HDAC9: variants seen among roughly 807,000 people sequenced by gnomAD.
The protein encoded by HDAC9 is histone deacetylase 9.
In HDAC9, 41 loss-of-function variants were observed where a neutral mutation model predicts 139.4. The observed-to-expected ratio is 0.29, with a 90% CI of 0.23 to 0.38. The LOEUF (loss-of-function observed/expected upper bound fraction) is 0.38, where lower values mean the gene tolerates loss of function less well. Ranked by LOEUF, HDAC9 falls within the 10% of genes least tolerant of loss-of-function variation. The pLI, the probability that HDAC9 is intolerant of heterozygous loss-of-function variation, is 1.00. For missense variants in HDAC9, 1,147 were observed against 1,297.0 expected (o/e 0.88, Z 1.78); for synonymous variants, 517 against 476.2 (o/e 1.09, Z -1.12).
rs186836838 is a variant in HDAC9, at chr7:18,342,342, T to A, written c.-42+51827T>A. 3.3e-5 allele frequency among the ~76,000 whole-genome samples: 5 copies of A among 151,954 alleles called. No homozygotes were observed. The South Asian group carries it at 8.3e-4, about 25-fold the overall frequency. ...TGGAAAATCTTTCAAGGCATTAAAC[T>A]GGAACAATATTTGGTCTCACCTTGA... On this transcript the variant is annotated intron_variant, in intron 1 of 3. Coordinates refer to the HDAC9 transcript ENST00000413509.
chr7:18,420,448 A>G (rs1365177186), intron 1 of HDAC9, among the ~76,000 whole-genome samples: 2 of 152,226 alleles, frequency 1.3e-5, no homozygotes, highest in Non-Finnish European at 2.9e-5. Context: ...ATATAACAAT[A>G]AACAGAGTTC....
At chr7:18,956,170 AG>A (rs1404664334) in intron 24 of HDAC9, among the ~76,000 whole-genome samples, 15 of 151,982 alleles carry the variant, frequency 9.9e-5, no homozygotes, top group African/African-American at 3.6e-4. Context: ...TCTGCCCCAA[AG>A]TCTATTTTAC....
chr7:18,876,987 C>T (rs1487537670), intron 22 of HDAC9, among the ~76,000 whole-genome samples: 1 of 152,080 alleles, frequency 6.6e-6, no homozygotes, highest in Non-Finnish European at 1.5e-5. Flanking sequence ...CAAGCATGAG[C>T]CACCACACCC....
intron 2 of HDAC9, among the ~76,000 whole-genome samples, chr7:18,556,794 T>C (rs1583351862): frequency 6.6e-6 from 1 of 152,052 alleles, no homozygotes; most frequent in East Asian, 1.9e-4. Context: ...CATAATTCCT[T>C]GGAAAACTAA....
At chr7:18,731,217 T>G (rs185203532) in intron 13 of HDAC9, among the ~76,000 whole-genome samples, 31 of 152,174 alleles carry the variant, frequency 2.0e-4, no homozygotes, top group Non-Finnish European at 3.7e-4. Flanking sequence ...AAACTGCAGA[T>G]GGGGGAGGGG....
At chr7:18,977,911 G>GACACAC (rs1784644760) in intron 25 of HDAC9, among the ~76,000 whole-genome samples, 2 of 119,966 alleles carry the variant, frequency 1.7e-5, no homozygotes, top group African/African-American at 6.4e-5. Flanking sequence ...CTCAGAGACA[G>GACACAC]ACAGACAGAC....
At chr7:18,935,297 TAAA>T (rs946240734) in intron 22 of HDAC9, among the ~76,000 whole-genome samples, 2 of 152,140 alleles carry the variant, frequency 1.3e-5, no homozygotes, top group African/African-American at 4.8e-5. Context: ...TGTTTCATAA[TAAA>T]ATAATGCTTA....
At chr7:18,547,623 T>A (rs899226151) in intron 2 of HDAC9, among the ~76,000 whole-genome samples, 17 of 152,218 alleles carry the variant, frequency 1.1e-4, no homozygotes, top group Admixed American at 1.0e-3. Context: ...CTACAGCAAG[T>A]AATGCTGATG....
At chr7:18,850,164 C>T (rs1797183368) in intron 21 of HDAC9, among the ~76,000 whole-genome samples, 1 of 150,878 alleles carries the variant, frequency 6.6e-6, no homozygotes, top group Non-Finnish European at 1.5e-5. Flanking sequence ...TCATGAATAG[C>T]ATTATCACAA....
At chr7:18,566,547 A>G (rs1193699192) in intron 2 of HDAC9, among the ~76,000 whole-genome samples, 1 of 152,210 alleles carries the variant, frequency 6.6e-6, no homozygotes, top group Non-Finnish European at 1.5e-5. Context: ...TGGGGAGGGA[A>G]TAGCTTTGGC....
In HDAC9 at chr7:18,350,570, T is replaced by C. The variant is rs1782774093; in HGVS notation, c.-42+60055T>C. ...AGTAATACTTTACTGATGTGTAAGA[T>C]GCAAATCACTTTGGAAGTGAGAAGG... On this transcript the variant is annotated intron_variant, in intron 1 of 3. Coordinates refer to the HDAC9 transcript ENST00000413509. 1.3e-5 allele frequency among the ~76,000 whole-genome samples: 2 copies of C among 152,186 alleles called. 1 individual carries two copies. Among genetic ancestry groups the C allele is most frequent in the Admixed American group, 1.3e-4 (2 of 15,278 alleles).
chr7:18,107,216 C>G (rs547379071), intron 1 of HDAC9, among the ~76,000 whole-genome samples: 125 of 152,238 alleles, frequency 8.2e-4, no homozygotes, highest in Non-Finnish European at 2.9e-4. Flanking sequence ...CCTTGCTACC[C>G]TAAATGGTAA....
chr7:18,639,893 C>G (rs1785035512), intron 8 of HDAC9, among the ~76,000 whole-genome samples: 1 of 151,982 alleles, frequency 6.6e-6, no homozygotes, highest in Non-Finnish European at 1.5e-5. Flanking sequence ...AAGTTGGGTG[C>G]TGCCCAGGGT....
At position 19,000,253 on chromosome 7, in the gene HDAC9, T is replaced by G. The variant is rs1786686255; in HGVS notation, c.*4191T>G. The G allele has an allele frequency of 1.3e-5, 2 of 152,240 alleles. No homozygotes were observed. The highest frequency in any genetic ancestry group is 1.3e-4 in the Admixed American group (2 of 15,278). 9.4% of individuals were successfully genotyped at this position (152,240 alleles called of 1,614,324 possible). A position where few individuals can be genotyped will look rare whatever the true frequency, so the allele number is the denominator to read the frequency against. On this transcript the variant is annotated 3_prime_UTR_variant, in exon 26 of 26. Transcript: ENST00000686413. ...AGGATTTTGTACCATGTGCTGCCTTTGGAATAAAGTATTATAATGTATCTT... is the reference window on the plus strand; with the variant it reads ...AGGATTTTGTACCATGTGCTGCCTTGGGAATAAAGTATTATAATGTATCTT...
intron 2 of HDAC9, among the ~76,000 whole-genome samples, chr7:18,248,744 C>G (rs745485776): frequency 6.6e-6 from 1 of 152,106 alleles, no homozygotes; most frequent in South Asian, 2.1e-4. Flanking sequence ...ACGTTTCCTC[C>G]AAGAACTATT....
intron 1 of HDAC9, among the ~76,000 whole-genome samples, chr7:18,432,324 G>A: frequency 1.3e-5 from 2 of 152,246 alleles, no homozygotes; most frequent in Middle Eastern, 3.4e-3. Context: ...TTACCTGTCT[G>A]TTTCTTCTAA....
chr7:18,553,730 A>G (rs1052365772), intron 2 of HDAC9, among the ~76,000 whole-genome samples: 7 of 152,194 alleles, frequency 4.6e-5, no homozygotes, highest in Non-Finnish European at 1.0e-4. Context: ...TTCTTTGCCA[A>G]TTGAAATTAT....
chr7:18,962,536 G>T (rs1171041933), intron 24 of HDAC9, among the ~76,000 whole-genome samples: 1 of 152,040 alleles, frequency 6.6e-6, no homozygotes, highest in African/African-American at 2.4e-5. Context: ...AACTGCGTCT[G>T]CAATTTTTTT....
intron 1 of HDAC9, among the ~76,000 whole-genome samples, chr7:18,479,368 C>A (rs1339607103): frequency 3.3e-5 from 5 of 152,020 alleles, no homozygotes; most frequent in Non-Finnish European, 7.4e-5. Context: ...ATCTTAGCAC[C>A]AGTTATTGAA....
Sources: gnomAD v4.1 joint callset for allele counts (sites outside exome capture counted in the v4.1 genomes callset) on GRCh38, gnomAD v4.1.1 for gene constraint, MANE v1.5 for transcripts, NCBI Gene and HGNC (gene_info 2026-07-23, HGNC 2026-07-21) for gene names.